The following ABCC12 variants were observed in gnomAD, a reference collection of about 807,000 sequenced individuals.
The protein encoded by ABCC12 is ATP binding cassette subfamily C member 12, also known as ATP-binding cassette sub-family C member 12.
In ABCC12, 142 loss-of-function variants were observed where a neutral mutation model predicts 151.1. That is an observed-to-expected ratio of 0.94 (90% CI 0.82 to 1.08). The LOEUF is 1.08. Among genes scored for constraint, ABCC12 ranks in the 50% least tolerant of loss-of-function variants. The pLI, the probability that ABCC12 is intolerant of heterozygous loss-of-function variation, is 0.00. For synonymous variants in ABCC12, 645 were observed against 646.4 expected (o/e 1.00, Z 0.03); for missense variants, 1,638 against 1,691.1 (o/e 0.97, Z 0.55).
chr16:48,120,564 T>G (rs555374276), intron 13 of ABCC12, among the ~76,000 whole-genome samples: 2 of 151,906 alleles, frequency 1.3e-5, no homozygotes, highest in Non-Finnish European at 2.9e-5. Context: ...TTTTGTTTTT[T>G]TTTTTTTTTG....
At chr16:48,129,974 C>T (rs1964367059) in intron 10 of ABCC12, among the ~76,000 whole-genome samples, 1 of 152,098 alleles carries the variant, frequency 6.6e-6, no homozygotes, top group African/African-American at 2.4e-5. Context: ...GAGAGAATAC[C>T]ATAATCAGGA....
intron 25 of ABCC12, among the ~76,000 whole-genome samples, chr16:48,089,856 G>A (rs1227166483): frequency 6.6e-6 from 1 of 152,118 alleles, no homozygotes; most frequent in African/African-American, 2.4e-5. Flanking sequence ...ATTTAAACAC[G>A]ATTTTAAGTT....
At chr16:48,094,916 A>T (rs1472675441) in intron 24 of ABCC12, among the ~76,000 whole-genome samples, 1 of 152,188 alleles carries the variant, frequency 6.6e-6, no homozygotes, top group African/African-American at 2.4e-5. Context: ...AGTTCCCCGG[A>T]GTTAAATACT....
At chr16:48,115,650 T>A in intron 14 of ABCC12, 32 bp from the exon 15 acceptor site, 1 of 1,591,618 alleles carries the variant, frequency 6.3e-7, no homozygotes. Flanking sequence ...CTGCCCATTG[T>A]CAGCCCACCC....
At chr16:48,123,513 G>A (rs1448169783) in intron 12 of ABCC12, among the ~76,000 whole-genome samples, 1 of 152,146 alleles carries the variant, frequency 6.6e-6, no homozygotes, top group East Asian at 1.9e-4. Context: ...TTCTTCAGAA[G>A]TACCCCGACC....
intron 20 of ABCC12, 98 bp downstream of exon 20, chr16:48,107,224 G>T: frequency 8.7e-7 from 1 of 1,151,212 alleles, no homozygotes; most frequent in Non-Finnish European, 1.3e-6. Flanking sequence ...ATGCATGTGG[G>T]CTCATGGCAT....
At position 48,141,338 on chromosome 16, in the gene ABCC12, C is replaced by T; in HGVS notation, c.291G>A (p.Trp97Ter). 6.2e-7 allele frequency: 1 copy of T among 1,614,062 alleles called. No individual in the cohort carries two copies. Among genetic ancestry groups the T allele is most frequent in the South Asian group, 1.1e-5 (1 of 91,082 alleles). ...GACCCACCCTTGCTACCTCTTCATC[C>T]CAAAGGACTCGAAATCTGTGATGAA... ...DTNAKRFRVL[W>*]DEEVARVGPE... is the part of the protein sequence containing the mutation. The change falls in exon 5 of 31, where the codon TGG (tryptophan) becomes TGA (stop). Residue 97 changes from tryptophan (W) to a stop codon, truncating the protein, a stop_gained. Coordinates refer to ENST00000311303, the MANE Select transcript of ABCC12 (RefSeq NM_001393797.1). LOFTEE classifies it high-confidence loss of function.
At chr16:48,138,155 G>C (rs1347015895) in intron 8 of ABCC12, 73 bp downstream of exon 8, 19 of 1,461,696 alleles carry the variant, frequency 1.3e-5, no homozygotes, top group Non-Finnish European at 1.7e-5. Context: ...CTGGCCCTGG[G>C]AACCGTAAGA....
At chr16:48,143,246 C>T (rs1567458248) in intron 4 of ABCC12, among the ~76,000 whole-genome samples, 2 of 152,296 alleles carry the variant, frequency 1.3e-5, no homozygotes, top group Non-Finnish European at 1.5e-5. Flanking sequence ...TGTCCTGATG[C>T]GGTGCCCCTG....
chr16:48,138,428 G>A (rs1964686088), intron 7 of ABCC12, 53 bp from the exon 8 acceptor site: 1 of 1,545,492 alleles, frequency 6.5e-7, no homozygotes, highest in Non-Finnish European at 8.8e-7. Flanking sequence ...AGTTGCAGCT[G>A]GCCTAAAAAT....
chr16:48,115,695 T>G, intron 14 of ABCC12, 77 bp from the exon 15 acceptor site: 1 of 1,428,418 alleles, frequency 7.0e-7, no homozygotes, highest in Non-Finnish European at 9.5e-7. Flanking sequence ...TCCTGGAGCT[T>G]CTCAGGACTC....
chr16:48,139,063 A>G (rs1378369825), intron 7 of ABCC12, 100 bp downstream of exon 7: 83 of 1,335,454 alleles, frequency 6.2e-5, no homozygotes, highest in Non-Finnish European at 8.0e-5. Flanking sequence ...AAAATGGGGC[A>G]CAGGCTTCAT....
At chr16:48,086,022 T>C (rs969352462) in intron 28 of ABCC12, among the ~76,000 whole-genome samples, 11 of 152,188 alleles carry the variant, frequency 7.2e-5, no homozygotes, top group African/African-American at 2.7e-4. Context: ...GATTGCTGTT[T>C]CCAGGGACCA....
intron 20 of ABCC12, among the ~76,000 whole-genome samples, chr16:48,105,885 G>T (rs1030143069): frequency 6.6e-6 from 1 of 152,216 alleles, no homozygotes; most frequent in Non-Finnish European, 1.5e-5. Context: ...CAGAGAGGGT[G>T]CTGGGGTACT....
chr16:48,091,315 G>C (rs974051672), intron 24 of ABCC12, 106 bp from the exon 25 acceptor site: 85 of 957,228 alleles, frequency 8.9e-5, no homozygotes, highest in Non-Finnish European at 1.4e-4. Flanking sequence ...CCCCTGCCTA[G>C]CGCAAGACAG....
In ABCC12 at chr16:48,096,860, CA is replaced by C. The variant is rs544586060; in HGVS notation, c.3080del (p.Leu1027ArgfsTer7). The part of the protein sequence containing the change: ...YFNCALRWFA[L>X]RMDVLMNILT... Reference sequence around the variant, plus strand: ...GGATGTTCATGAGGACATCCATTCTCAGCGCAAACCACCTGAGAGCACAGTT... The same window carrying C: ...GGATGTTCATGAGGACATCCATTCTCGCGCAAACCACCTGAGAGCACAGTT... On this transcript the variant is annotated frameshift_variant, in exon 24 of 31. Coordinates refer to ENST00000311303, the MANE Select transcript of ABCC12 (RefSeq NM_001393797.1). LOFTEE classifies it high-confidence loss of function. 535 of 1,614,164 alleles carry C rather than the reference CA, an allele frequency of 3.3e-4. 2 individuals are homozygous for C. The East Asian group carries it at 9.5e-3, about 29-fold the overall frequency.
At chr16:48,111,748 T>C (rs1963700192) in intron 16 of ABCC12, 28 bp downstream of exon 16, 3 of 1,613,852 alleles carry the variant, frequency 1.9e-6, no homozygotes, top group Non-Finnish European at 2.5e-6. Flanking sequence ...GCCCCAATTG[T>C]TCCCACACCT....
At chr16:48,128,849 C>A (rs898589938) in intron 10 of ABCC12, 112 bp from the exon 11 acceptor site, 2 of 1,206,114 alleles carry the variant, frequency 1.7e-6, no homozygotes, top group Non-Finnish European at 2.3e-6. Context: ...TAACCCACCA[C>A]ATCCAGGAAA....
Position 48,091,228 on chromosome 16 carries a change from C to T in ABCC12, c.3196-19G>A. On this transcript the variant is annotated intron_variant, in intron 24 of 30. Transcript: ENST00000311303. ...CGCTCAGCTGTTGAAAAGGAGCGAG[C>T]AGCCGCAGTTAGAGCCCCTTCCTCC... 1 of 1,612,596 alleles carries T rather than the reference C, an allele frequency of 6.2e-7. No individual in the cohort carries two copies. Among genetic ancestry groups the T allele is most frequent in the Non-Finnish European group, 8.5e-7 (1 of 1,178,680 alleles).
Sources: allele counts gnomAD v4.1 joint callset (sites outside exome capture counted in the v4.1 genomes callset), GRCh38; gene constraint gnomAD v4.1.1; transcripts MANE v1.5; gene names NCBI Gene and HGNC (gene_info 2026-07-23, HGNC 2026-07-21).